The following TCTN1 variants were observed in gnomAD, a reference collection of about 807,000 sequenced individuals.
TCTN1 encodes tectonic family member 1, also known as tectonic-1.
Under a neutral mutation model 65.8 loss-of-function variants are expected in TCTN1, and 58 were observed. The observed-to-expected ratio is 0.88, with a 90% CI of 0.71 to 1.10. TCTN1 has a LOEUF of 1.10. Among genes scored for constraint, TCTN1 ranks in the 50% least tolerant of loss-of-function variants. The pLI is 0.00. For synonymous variants in TCTN1, 273 were observed against 289.1 expected, an observed-to-expected ratio of 0.94 and a Z score of 0.57; for missense variants, 645 against 719.4, an observed-to-expected ratio of 0.90 and a Z score of 1.18.
At chr12:110,624,359 A>G (rs1169944051) in intron 2 of TCTN1, among the ~76,000 whole-genome samples, 1 of 151,770 alleles carries the variant, frequency 6.6e-6, no homozygotes, top group Non-Finnish European at 1.5e-5. Flanking sequence ...TACTACAGGC[A>G]TCTGCCAGCA....
chr12:110,624,778 C>T (rs545651769), intron 2 of TCTN1, among the ~76,000 whole-genome samples: 6 of 151,316 alleles, frequency 4.0e-5, no homozygotes, highest in South Asian at 4.2e-4. Context: ...GACAGGGTTT[C>T]GCCATGTTGG....
chr12:110,636,010 C>G (rs1014436843), intron 6 of TCTN1: 1 of 180,996 alleles, frequency 5.5e-6, no homozygotes, highest in African/African-American at 2.4e-5. Context: ...AGCTGCAGCT[C>G]TACTGGGGAG....
intron 7 of TCTN1, among the ~76,000 whole-genome samples, chr12:110,638,709 G>A (rs750219515): frequency 6.6e-6 from 1 of 152,198 alleles, no homozygotes; most frequent in Non-Finnish European, 1.5e-5. Flanking sequence ...TGAATCCTTC[G>A]GTTTTTGCCA....
At chr12:110,648,060 C>G (rs2067488107) in intron 14 of TCTN1, among the ~76,000 whole-genome samples, 167 bp downstream of exon 14, 1 of 152,146 alleles carries the variant, frequency 6.6e-6, no homozygotes. Context: ...CAGCCTTGAC[C>G]TCCTGGGCTC....
At chr12:110,616,097 T>A (rs1196873534) in intron 1 of TCTN1, among the ~76,000 whole-genome samples, 1 of 152,078 alleles carries the variant, frequency 6.6e-6, no homozygotes, top group Non-Finnish European at 1.5e-5. Flanking sequence ...AACTCTAAAG[T>A]TTTTGGACTG....
intron 6 of TCTN1, 87 bp from the exon 7 acceptor site, chr12:110,636,394 A>T (rs2066569793): frequency 4.4e-6 from 4 of 906,214 alleles, no homozygotes; most frequent in Non-Finnish European, 7.1e-6. Flanking sequence ...AGATGAATAT[A>T]CTCTTCAACT....
intron 1 of TCTN1, among the ~76,000 whole-genome samples, chr12:110,615,103 C>G (rs2064942644): frequency 6.6e-6 from 1 of 152,078 alleles, no homozygotes; most frequent in African/African-American, 2.4e-5. Context: ...TCAGTCTGGT[C>G]AAAATGGCGA....
In TCTN1 at chr12:110,641,601, A is replaced by G. The variant is rs1241119948; in HGVS notation, c.1164A>G (p.Leu388=). The G allele has an allele frequency of 6.2e-7, 1 of 1,614,256 alleles. No individual in the cohort carries two copies. ...GNPGYVVGLP[L]AAGFQPHKGS... is the part of the protein sequence containing the mutation. Reference sequence around the variant, plus strand: ...CTGGTTATGTCGTGGGGCTCCCATTAGCTGCTGGATTCCAGCCTCATAAGG... The same window carrying G: ...CTGGTTATGTCGTGGGGCTCCCATTGGCTGCTGGATTCCAGCCTCATAAGG... The change falls in exon 10 of 15, where the codon TTA becomes TTG. Residue 388 remains leucine, a synonymous_variant. Transcript: ENST00000397659.
intron 4 of TCTN1, 107 bp from the exon 5 acceptor site, chr12:110,632,363 AGT>A: frequency 9.1e-7 from 1 of 1,100,198 alleles, no homozygotes; most frequent in South Asian, 1.2e-5. Flanking sequence ...TTTGCTCATC[AGT>A]GTGTCTCTGA....
At chr12:110,624,081 ATCTG>A (rs1249037217) in intron 2 of TCTN1, among the ~76,000 whole-genome samples, 1 of 150,614 alleles carries the variant, frequency 6.6e-6, no homozygotes, top group African/African-American at 2.4e-5. Context: ...CTGTCCAGCT[ATCTG>A]TCTATTTTTT....
At chr12:110,615,649 T>A (rs1394368679) in intron 1 of TCTN1, among the ~76,000 whole-genome samples, 3 of 152,074 alleles carry the variant, frequency 2.0e-5, no homozygotes, top group Admixed American at 6.6e-5. Flanking sequence ...TTGCTTTTTT[T>A]ATTTTTTTAT....
intron 7 of TCTN1, among the ~76,000 whole-genome samples, chr12:110,637,495 G>A (rs986126819): frequency 6.6e-6 from 1 of 152,098 alleles, no homozygotes; most frequent in African/African-American, 2.4e-5. Context: ...AGGAATGATG[G>A]ATGTTACTTG....
intron 7 of TCTN1, among the ~76,000 whole-genome samples, chr12:110,637,633 G>A (rs1046011626): frequency 6.6e-6 from 1 of 152,190 alleles, no homozygotes; most frequent in African/African-American, 2.4e-5. Context: ...GGGGCCTGAA[G>A]CCCTCCACCT....
intron 7 of TCTN1, among the ~76,000 whole-genome samples, chr12:110,637,659 C>G (rs575734399): frequency 6.6e-6 from 1 of 152,306 alleles, no homozygotes; most frequent in South Asian, 2.1e-4. Context: ...GTCTCCTTCT[C>G]TCTCCTCTTT....
At position 110,644,084 on chromosome 12, in the gene TCTN1, C is replaced by T. The variant is rs762567189; in HGVS notation, c.1332-883C>T. ...GTAGGGGTAGGTCTGTGGTCCAATA[C>T]GTTTGGGAAACACCAAATTAAAGTT... On this transcript the variant is annotated intron_variant, in intron 11 of 14. Transcript: ENST00000397659. The surrounding 1 kb of genome is among the most constrained non-coding windows in gnomAD (Gnocchi z 4.6). 2.0e-5 allele frequency: 3 copies of T among 152,200 alleles called. No individual in the cohort carries two copies. Among genetic ancestry groups the T allele is most frequent in the African/African-American group, 4.8e-5 (2 of 41,444 alleles). 9.4% of individuals were successfully genotyped at this position (152,200 alleles called of 1,614,324 possible).
At position 110,644,984 on chromosome 12, in the gene TCTN1, C is replaced by T. The variant is rs755076199; in HGVS notation, c.1349C>T (p.Pro450Leu). The T allele has an allele frequency of 9.3e-6, 15 of 1,614,132 alleles. 1 individual carries two copies. Among genetic ancestry groups the T allele is most frequent in the Middle Eastern group, 3.3e-4 (2 of 6,078 alleles). The change falls in exon 12 of 15, where the codon CCG becomes CTG. Residue 450 changes from proline to leucine, a missense_variant. Pro to Leu is a moderately conservative substitution (Grantham distance 98). Transcript: ENST00000397659. This position sits in a 1 kb window ranked among gnomAD's most constrained non-coding sequence, Gnocchi z 4.6. ...TCACCAAGACTGACTGGAGCTCTCC[C>T]GTGTCAGCTCGTAGCACAGAAGGTG... ...GCKLRLTGALPCQLVAQKVKS... is the reference protein window; with the variant it reads ...GCKLRLTGALLCQLVAQKVKS...
At chr12:110,626,558 T>C (rs942978062) in intron 3 of TCTN1, 66 bp downstream of exon 3, 2 of 1,478,150 alleles carry the variant, frequency 1.4e-6, no homozygotes, top group African/African-American at 1.4e-5. Context: ...TATGGAAAAA[T>C]GTGTCAGATT....
rs201001976 is a variant in TCTN1 at position 110,616,256 on chromosome 12, T to TTA, written c.220+1855_220+1856insAT. On this transcript the variant is annotated intron_variant, in intron 1 of 14. Coordinates refer to ENST00000397659, the MANE Select transcript of TCTN1 (RefSeq NM_001082538.3). Reference sequence around the variant, plus strand: ...ATTTGTGCTTGTCCTCACACTTTATTTTTTTTTTTTTTGGTCACAGGGTCT... The same window carrying TTA: ...ATTTGTGCTTGTCCTCACACTTTATTTATTTTTTTTTTTTGGTCACAGGGTCT... The TTA allele has an allele frequency of 5.4e-5, 16 of 295,142 alleles. No individual in the cohort carries two copies. In the East Asian group the frequency reaches 1.6e-3, roughly 29 times the overall value. The allele number at this position is 295,142 out of a possible 1,614,324, so 18.3% of individuals were successfully genotyped here.
chr12:110,614,523 T>C (rs2135832800), intron 1 of TCTN1, 121 bp downstream of exon 1: 2 of 1,524,004 alleles, frequency 1.3e-6, no homozygotes, highest in East Asian at 4.9e-5. Context: ...CAGACACTGC[T>C]GAGTGTTCCA....
Sources: gnomAD v4.1 joint callset for allele counts (sites outside exome capture counted in the v4.1 genomes callset) on GRCh38, gnomAD v4.1.1 for gene constraint, Gnocchi (gnomAD v3.1) non-coding constraint, MANE v1.5 for transcripts, NCBI Gene and HGNC (gene_info 2026-07-23, HGNC 2026-07-21) for gene names.